ZSCAN5A: variants seen among roughly 807,000 people sequenced by gnomAD.
ZSCAN5A encodes the protein zinc finger and SCAN domain-containing protein 5A.
A neutral mutation model predicts 23.7 loss-of-function variants in ZSCAN5A; 12 were observed. That is an observed-to-expected ratio of 0.51 (90% CI 0.32 to 0.82). The LOEUF (loss-of-function observed/expected upper bound fraction) is 0.82. Among genes scored for constraint, ZSCAN5A ranks in the 40% least tolerant of loss-of-function variants. ZSCAN5A has a pLI of 0.03. For missense variants in ZSCAN5A, 597 were observed against 617.9 expected, an observed-to-expected ratio of 0.97 and a Z score of 0.36; for synonymous variants, 257 against 239.9, an observed-to-expected ratio of 1.07 and a Z score of -0.66.
At chr19:56,326,169 C>T (rs960795571) in intron 2 of ZSCAN5A, among the ~76,000 whole-genome samples, 1 of 151,998 alleles carries the variant, frequency 6.6e-6, no homozygotes, top group Non-Finnish European at 1.5e-5. Context: ...GATCTCCTGA[C>T]CTCGTGATCG....
intron 2 of ZSCAN5A, chr19:56,343,012 C>T (rs2041606241): frequency 8.4e-6 from 7 of 829,640 alleles, no homozygotes; most frequent in Admixed American, 5.1e-5. Flanking sequence ...AAGTCACTAT[C>T]TACTTATCCA....
intron 2 of ZSCAN5A, among the ~76,000 whole-genome samples, chr19:56,244,584 A>T (rs1308503620): frequency 1.0e-5 from 1 of 96,600 alleles, no homozygotes; most frequent in African/African-American, 3.8e-5. Flanking sequence ...GTCTGGGGAC[A>T]GTTTTTGTTG....
chr19:56,291,255 G>A (rs1391800294), intron 2 of ZSCAN5A, among the ~76,000 whole-genome samples: 1 of 152,192 alleles, frequency 6.6e-6, no homozygotes, highest in Non-Finnish European at 1.5e-5. Context: ...ACCCTCGGGG[G>A]AGAAATGAGA....
chr19:56,237,487 G>C (rs968973081), intron 2 of ZSCAN5A, among the ~76,000 whole-genome samples: 17 of 152,142 alleles, frequency 1.1e-4, no homozygotes, highest in African/African-American at 3.6e-4. Context: ...GGGTAGGCTA[G>C]GCTAAACTCT....
upstream of ZSCAN5A, chr19:56,316,349 A>G (rs1195908657): frequency 2.0e-5 from 3 of 152,290 alleles, no homozygotes; most frequent in Non-Finnish European, 2.9e-5. Context: ...TAGTTCCGTC[A>G]TCTTCACAGA....
chr19:56,243,879 T>C (rs2035628389), intron 2 of ZSCAN5A, among the ~76,000 whole-genome samples: 1 of 152,096 alleles, frequency 6.6e-6, no homozygotes, highest in Non-Finnish European at 1.5e-5. Flanking sequence ...GATGGGTGGA[T>C]AGACTAGAAA....
At chr19:56,250,507 C>A (rs2036261557) in intron 2 of ZSCAN5A, among the ~76,000 whole-genome samples, 1 of 152,146 alleles carries the variant, frequency 6.6e-6, no homozygotes, top group East Asian at 1.9e-4. Context: ...CCAGGTGAGG[C>A]ACATGCTGCT....
intron 2 of ZSCAN5A, among the ~76,000 whole-genome samples, chr19:56,268,918 A>G (rs377619366): frequency 1.3e-5 from 2 of 152,270 alleles, no homozygotes; most frequent in East Asian, 3.9e-4. Flanking sequence ...TACTTTGCAT[A>G]ATATTTTCAA....
intron 3 of ZSCAN5A, 127 bp from the exon 4 acceptor site, chr19:56,223,961 G>C: frequency 2.3e-6 from 2 of 883,972 alleles, no homozygotes; most frequent in Non-Finnish European, 3.4e-6. Flanking sequence ...TCCCAATAGA[G>C]AGTCAGCTCT....
At chr19:56,321,180 G>C (rs1256549750) in intron 2 of ZSCAN5A, 1 of 658,278 alleles carries the variant, frequency 1.5e-6, no homozygotes. Context: ...GTAATTACGT[G>C]CTTCATTCAA....
intron 2 of ZSCAN5A, among the ~76,000 whole-genome samples, chr19:56,308,575 C>T (rs891492393): frequency 6.6e-6 from 1 of 152,178 alleles, no homozygotes. Flanking sequence ...CCACCCACCT[C>T]GGCCTCCCAA....
At chr19:56,243,303 G>A (rs1269169546) in intron 2 of ZSCAN5A, among the ~76,000 whole-genome samples, 1 of 152,178 alleles carries the variant, frequency 6.6e-6, no homozygotes, top group Non-Finnish European at 1.5e-5. Flanking sequence ...GGTGATGGTT[G>A]CACAGCATGG....
At chr19:56,339,209 G>C (rs902735448) in intron 2 of ZSCAN5A, among the ~76,000 whole-genome samples, 1 of 152,250 alleles carries the variant, frequency 6.6e-6, no homozygotes, top group African/African-American at 2.4e-5. Flanking sequence ...GAAAGCCACT[G>C]TAAGCAATAT....
intron 2 of ZSCAN5A, among the ~76,000 whole-genome samples, chr19:56,302,309 TCTCC>T (rs71976965): frequency 0.11 from 16,533 of 144,360 alleles, 1,128 homozygotes; most frequent in Middle Eastern, 0.23. Flanking sequence ...TTCCCTCTTT[TCTCC>T]CTCCCTCCCT....
At chr19:56,349,956 G>A (rs2147458346) in intron 2 of ZSCAN5A, among the ~76,000 whole-genome samples, 1 of 152,286 alleles carries the variant, frequency 6.6e-6, no homozygotes, top group East Asian at 1.9e-4. Context: ...AAAGGGACAT[G>A]TTATGTCTTG....
chr19:56,266,455 A>G (rs1055301016), intron 2 of ZSCAN5A: 4 of 144,504 alleles, frequency 2.8e-5, no homozygotes, highest in Non-Finnish European at 6.0e-5. Flanking sequence ...AGAAGTGAGT[A>G]GGCTTAGGCT....
chr19:56,295,263 T>A (rs2039790617), intron 2 of ZSCAN5A: 2 of 152,028 alleles, frequency 1.3e-5, no homozygotes, highest in Admixed American at 1.3e-4. Context: ...CACCCCTGGA[T>A]GAGTATGTAG....
intron 2 of ZSCAN5A, among the ~76,000 whole-genome samples, chr19:56,353,088 A>T (rs1181244811): frequency 6.6e-6 from 1 of 152,176 alleles, no homozygotes; most frequent in Non-Finnish European, 1.5e-5. Context: ...CTTGAGGTGG[A>T]CACAGTTTAC....
chr19:56,264,253 G>C (rs1053332715), intron 2 of ZSCAN5A, among the ~76,000 whole-genome samples: 1 of 152,078 alleles, frequency 6.6e-6, no homozygotes, highest in African/African-American at 2.4e-5. Context: ...GCCTCAACCT[G>C]CCAGTGTTGG....
Sources: allele counts gnomAD v4.1 joint callset (sites outside exome capture counted in the v4.1 genomes callset), GRCh38; gene constraint gnomAD v4.1.1; transcripts MANE v1.5; gene names NCBI Gene and HGNC (gene_info 2026-07-23, HGNC 2026-07-21).